ERC2: variants seen among roughly 807,000 people sequenced by gnomAD.
ERC2 encodes ERC protein 2.
Under a neutral mutation model 114.8 loss-of-function variants are expected in ERC2, and 42 were observed. The observed-to-expected ratio is 0.37, with a 90% CI of 0.29 to 0.47. ERC2 has a LOEUF of 0.47. Ranked by LOEUF, ERC2 falls within the 20% of genes least tolerant of loss-of-function variation. ERC2 has a pLI of 0.99. For synonymous variants in ERC2, 454 were observed against 425.5 expected (o/e 1.07, Z -0.82); for missense variants, 939 against 1,150.7 (o/e 0.82, Z 2.66).
Position 55,619,242 on chromosome 3 carries a change from A to G in ERC2, c.*39+64552T>C, listed in dbSNP as rs938504184. Among the ~76,000 whole-genome samples, 9 of 152,344 alleles carry G rather than the reference A, an allele frequency of 5.9e-5. No homozygotes were observed. The South Asian group carries it at 1.9e-3, about 32-fold the overall frequency. ...TTTCCTATTGGAACCTGGAAACTGG[A>G]CAAATTCTGAAGAAATCCGAAGGAA... is the stretch of plus-strand genomic sequence containing the variant. On this transcript the variant is annotated intron_variant, in intron 17 of 17. Coordinates refer to ENST00000288221, the MANE Select transcript of ERC2 (RefSeq NM_015576.3).
chr3:56,421,542 G>A (rs1347196506), intron 2 of ERC2, among the ~76,000 whole-genome samples: 2 of 152,218 alleles, frequency 1.3e-5, no homozygotes, highest in African/African-American at 4.8e-5. Flanking sequence ...CGCAACTCTA[G>A]GCTGTCCCTG....
At chr3:56,217,459 C>T (rs1213444753) in intron 3 of ERC2, among the ~76,000 whole-genome samples, 3 of 152,120 alleles carry the variant, frequency 2.0e-5, no homozygotes, top group Non-Finnish European at 4.4e-5. Context: ...TCAAGGAGAA[C>T]TACAAACCAC....
chr3:55,594,169 A>C (rs887083374), intron 17 of ERC2, among the ~76,000 whole-genome samples: 1 of 152,144 alleles, frequency 6.6e-6, no homozygotes, highest in African/African-American at 2.4e-5. Flanking sequence ...TATATATGCA[A>C]ATGACTACAG....
At chr3:56,273,340 A>C (rs1274516249) in intron 3 of ERC2, among the ~76,000 whole-genome samples, 1 of 142,844 alleles carries the variant, frequency 7.0e-6, no homozygotes, top group Non-Finnish European at 1.5e-5. Flanking sequence ...GCTCACCTGG[A>C]CCTCCTGGGC....
chr3:56,232,954 C>CG (rs1452465228), intron 3 of ERC2, among the ~76,000 whole-genome samples: 1 of 152,154 alleles, frequency 6.6e-6, no homozygotes, highest in Non-Finnish European at 1.5e-5. Flanking sequence ...ATCACTTCCT[C>CG]GAAAAAACCC....
chr3:56,381,139 T>C (rs1224159683), intron 2 of ERC2, among the ~76,000 whole-genome samples: 1 of 152,242 alleles, frequency 6.6e-6, no homozygotes, highest in Non-Finnish European at 1.5e-5. Flanking sequence ...AAATTCATTA[T>C]TCCGATATTG....
At chr3:56,448,394 C>G (rs2062677971) in intron 1 of ERC2, among the ~76,000 whole-genome samples, 1 of 152,204 alleles carries the variant, frequency 6.6e-6, no homozygotes, top group Non-Finnish European at 1.5e-5. Context: ...TACCTTCCTA[C>G]CTTGAATACA....
intron 17 of ERC2, among the ~76,000 whole-genome samples, chr3:55,606,021 T>G (rs954292401): frequency 5.9e-5 from 9 of 152,112 alleles, no homozygotes; most frequent in African/African-American, 2.2e-4. Flanking sequence ...TACAGACGGT[T>G]GCACAAGAAG....
chr3:56,399,434 A>G (rs1290985587), intron 2 of ERC2, among the ~76,000 whole-genome samples: 2 of 152,222 alleles, frequency 1.3e-5, no homozygotes, highest in Non-Finnish European at 2.9e-5. Context: ...TGATAATGTC[A>G]ATGTCGGCAT....
chr3:55,751,684 C>G (rs1347495339), intron 14 of ERC2, among the ~76,000 whole-genome samples: 1 of 152,146 alleles, frequency 6.6e-6, no homozygotes, highest in African/African-American at 2.4e-5. Flanking sequence ...GTAGGTAAGG[C>G]TGAGGCCAAG....
At chr3:55,848,198 C>T (rs1355899790) in intron 14 of ERC2, among the ~76,000 whole-genome samples, 1 of 152,222 alleles carries the variant, frequency 6.6e-6, no homozygotes, top group African/African-American at 2.4e-5. Flanking sequence ...ATTTATGCAT[C>T]ATCTGAAGCC....
chr3:56,240,290 C>G (rs1264869511), intron 3 of ERC2, among the ~76,000 whole-genome samples: 3 of 152,040 alleles, frequency 2.0e-5, no homozygotes, highest in Non-Finnish European at 4.4e-5. Context: ...CCAAAACCAT[C>G]AAAAGTGTAC....
At chr3:56,082,223 T>C (rs559159336) in intron 6 of ERC2, among the ~76,000 whole-genome samples, 44 of 152,252 alleles carry the variant, frequency 2.9e-4, no homozygotes, top group African/African-American at 1.0e-3. Context: ...GTGGGGCCTT[T>C]AGGAGGTGAT....
At chr3:55,879,189 C>A (rs1036882191) in intron 14 of ERC2, among the ~76,000 whole-genome samples, 4 of 136,920 alleles carry the variant, frequency 2.9e-5, no homozygotes, top group African/African-American at 2.8e-5. Flanking sequence ...GTTTCATCTA[C>A]GTGACAGGGC....
chr3:56,224,405 C>A (rs1056079144), intron 3 of ERC2, among the ~76,000 whole-genome samples: 1 of 152,104 alleles, frequency 6.6e-6, no homozygotes, highest in Non-Finnish European at 1.5e-5. Flanking sequence ...ACCAGGAGTT[C>A]AAGCTACAGC....
chr3:55,515,450 C>T (rs1444975308), intron 17 of ERC2, among the ~76,000 whole-genome samples: 2 of 152,170 alleles, frequency 1.3e-5, no homozygotes, highest in East Asian at 3.9e-4. Context: ...TCACTGCAAC[C>T]TCTGTCTCCC....
chr3:56,364,693 C>T (rs2059085716), intron 2 of ERC2, among the ~76,000 whole-genome samples: 1 of 152,128 alleles, frequency 6.6e-6, no homozygotes, highest in Non-Finnish European at 1.5e-5. Context: ...CTTTTGTATC[C>T]ATAAGAGAAG....
intron 15 of ERC2, among the ~76,000 whole-genome samples, chr3:55,710,001 G>A (rs2063692887): frequency 6.6e-6 from 1 of 152,124 alleles, no homozygotes; most frequent in African/African-American, 2.4e-5. Context: ...AAAAACAAAT[G>A]GGAAGAGAAA....
At chr3:55,520,433 C>CAAAAAAAA (rs35883947) in intron 17 of ERC2, among the ~76,000 whole-genome samples, 1 of 109,556 alleles carries the variant, frequency 9.1e-6, no homozygotes, top group Non-Finnish European at 1.8e-5. Context: ...GACTCTGTCT[C>CAAAAAAAA]AAAAAAAAAA....
Sources: allele counts gnomAD v4.1 joint callset (sites outside exome capture counted in the v4.1 genomes callset), GRCh38; gene constraint gnomAD v4.1.1; transcripts MANE v1.5; gene names NCBI Gene and HGNC (gene_info 2026-07-23, HGNC 2026-07-21).